Variants in DAB1 observed in about 807,000 individuals in gnomAD.
DAB1 encodes the protein DAB adaptor protein 1.
A neutral mutation model predicts 64.6 loss-of-function variants in DAB1; 15 were observed. That is an observed-to-expected ratio of 0.23 (90% CI 0.16 to 0.36). The LOEUF (loss-of-function observed/expected upper bound fraction) is 0.36. Among genes scored for constraint, DAB1 ranks in the 10% least tolerant of loss-of-function variants. DAB1 has a pLI of 1.00. For missense variants in DAB1, 596 were observed against 706.7 expected, an observed-to-expected ratio of 0.84 and a Z score of 1.78; for synonymous variants, 235 against 251.9, an observed-to-expected ratio of 0.93 and a Z score of 0.64.
intron 10 of DAB1, among the ~76,000 whole-genome samples, chr1:57,025,049 A>G (rs1025809280): frequency 1.2e-4 from 18 of 152,252 alleles, no homozygotes; most frequent in South Asian, 2.1e-4. Context: ...CATCTTGCCA[A>G]TGAACCATAG....
intron 6 of DAB1, among the ~76,000 whole-genome samples, chr1:57,662,619 C>T (rs1646400504): frequency 6.6e-6 from 1 of 152,144 alleles, no homozygotes; most frequent in Admixed American, 6.5e-5. Context: ...AGCATTAGGC[C>T]AGACCTGGGC....
chr1:57,010,738 C>G lies in DAB1; in HGVS notation c.1625G>C (p.Gly542Ala). The G allele has an allele frequency of 6.3e-7, 1 of 1,599,280 alleles. No homozygotes were observed. The highest frequency in any genetic ancestry group is 1.7e-5 in the Admixed American group (1 of 59,024). ...ACTTATATTATCACCACTGGGCTCCCCACTGGGCTCACCAAATGGATCACT... is the reference window on the plus strand; with the variant it reads ...ACTTATATTATCACCACTGGGCTCCGCACTGGGCTCACCAAATGGATCACT... ...SNSDPFGEPS[G>A]EPSGDNISPQ... Residue 542 changes from glycine (G) to alanine (A), a missense_variant, in exon 14 of 15, where the codon GGG becomes GCG. Around this residue, in one of 3 missense-constraint regions of DAB1, gnomAD observed 377 missense variants for 400.4 expected, o/e 0.94. Transcript: ENST00000371236.
At chr1:57,107,113 G>A (rs909343727) in intron 4 of DAB1, among the ~76,000 whole-genome samples, 6 of 152,048 alleles carry the variant, frequency 3.9e-5, no homozygotes, top group South Asian at 2.1e-4. Context: ...GGTGGCTCAC[G>A]CCTGTAATCC....
chr1:57,908,542 C>T (rs943575133), intron 5 of DAB1, among the ~76,000 whole-genome samples: 2 of 152,182 alleles, frequency 1.3e-5, no homozygotes, highest in African/African-American at 4.8e-5. Flanking sequence ...TGGCTTACTG[C>T]AGATCTGAGT....
intron 5 of DAB1, among the ~76,000 whole-genome samples, chr1:57,964,945 G>A (rs1434685879): frequency 1.3e-5 from 2 of 150,552 alleles, no homozygotes; most frequent in Non-Finnish European, 3.0e-5. Context: ...GAAATAGACA[G>A]TTCCTGGCAA....
intron 5 of DAB1, among the ~76,000 whole-genome samples, chr1:57,924,039 C>T (rs1032710860): frequency 6.6e-6 from 1 of 152,218 alleles, no homozygotes; most frequent in African/African-American, 2.4e-5. Context: ...AGGTGTTAGA[C>T]AAGGCTGAAT....
chr1:58,465,315 A>G (rs1645283925), intron 3 of DAB1, among the ~76,000 whole-genome samples: 1 of 152,140 alleles, frequency 6.6e-6, no homozygotes, highest in Non-Finnish European at 1.5e-5. Context: ...ATGACCCTAG[A>G]GAGTGGCTGA....
At chr1:57,452,406 T>G (rs920394985) in intron 7 of DAB1, among the ~76,000 whole-genome samples, 2 of 152,066 alleles carry the variant, frequency 1.3e-5, no homozygotes, top group Non-Finnish European at 2.9e-5. Flanking sequence ...CATTAATGGT[T>G]AAAAGCAGCA....
chr1:57,012,655 T>C (rs1301960330), intron 12 of DAB1, among the ~76,000 whole-genome samples: 1 of 152,232 alleles, frequency 6.6e-6, no homozygotes, highest in Non-Finnish European at 1.5e-5. Context: ...GGAAAAAAAT[T>C]TGCAATGAAA....
chr1:57,022,304 C>T lies in DAB1; in HGVS notation c.895+1227G>A, dbSNP rs181330501. Among the ~76,000 whole-genome samples, 691 of 152,326 alleles carry T rather than the reference C, an allele frequency of 4.5e-3. 9 individuals carry two copies. Among genetic ancestry groups the T allele is most frequent in the African/African-American group, 0.016 (655 of 41,576 alleles). On this transcript the variant is annotated intron_variant, in intron 11 of 14. Coordinates refer to ENST00000371236, the MANE Select transcript of DAB1 (RefSeq NM_001365792.1). ...GGTGGTGCATTTCTGATGGAAAACT[C>T]TTACTCTTATTTAAAATGGCATGTG...
intron 4 of DAB1, among the ~76,000 whole-genome samples, chr1:57,080,832 A>T (rs1652447365): frequency 6.6e-6 from 1 of 152,098 alleles, no homozygotes; most frequent in African/African-American, 2.4e-5. Flanking sequence ...TTCAACTAAA[A>T]TCTATGTCCT....
intron 4 of DAB1, among the ~76,000 whole-genome samples, chr1:58,308,855 G>A (rs933779604): frequency 3.9e-5 from 6 of 152,150 alleles, no homozygotes; most frequent in African/African-American, 1.4e-4. Flanking sequence ...TGAGACTCAG[G>A]CGCTCCCCAT....
intron 4 of DAB1, among the ~76,000 whole-genome samples, chr1:58,264,240 C>T (rs1661111580): frequency 6.6e-6 from 1 of 152,238 alleles, no homozygotes; most frequent in Admixed American, 6.5e-5. Flanking sequence ...TGCAACATAG[C>T]AAACATTTAT....
At chr1:58,007,096 T>C (rs1017892219) in intron 5 of DAB1, among the ~76,000 whole-genome samples, 1 of 152,190 alleles carries the variant, frequency 6.6e-6, no homozygotes, top group African/African-American at 2.4e-5. Flanking sequence ...TTAAGCTCTC[T>C]GCTGCCCACA....
chr1:57,611,513 G>T (rs1645726334), intron 7 of DAB1, among the ~76,000 whole-genome samples: 1 of 152,142 alleles, frequency 6.6e-6, no homozygotes. Flanking sequence ...TGCAACTGTG[G>T]CTTAGCCATC....
chr1:58,544,630 C>T (rs1430264485), intron 1 of DAB1, among the ~76,000 whole-genome samples: 1 of 152,148 alleles, frequency 6.6e-6, no homozygotes, highest in African/African-American at 2.4e-5. Context: ...CTCACTTTGT[C>T]GTTGTCCAGG....
intron 7 of DAB1, among the ~76,000 whole-genome samples, chr1:57,458,313 T>G (rs1468615337): frequency 6.6e-6 from 1 of 152,242 alleles, no homozygotes. Flanking sequence ...TTTAAATTTT[T>G]TTTATAATTA....
intron 4 of DAB1, among the ~76,000 whole-genome samples, chr1:58,171,713 G>A (rs1057494086): frequency 2.4e-4 from 37 of 152,176 alleles, no homozygotes; most frequent in African/African-American, 8.2e-4. Context: ...GTTTGGCCAG[G>A]CACTGGCCCA....
At chr1:57,933,959 G>A (rs533813452) in intron 5 of DAB1, among the ~76,000 whole-genome samples, 75 of 151,542 alleles carry the variant, frequency 4.9e-4, no homozygotes, top group African/African-American at 1.6e-3. Flanking sequence ...GCAGTGGCGC[G>A]ATCTTGGCTC....
Sources: gnomAD v4.1 joint callset for allele counts (sites outside exome capture counted in the v4.1 genomes callset) on GRCh38, gnomAD v4.1.1 for gene constraint, gnomAD v4.1.1 regional missense constraint, MANE v1.5 for transcripts, NCBI Gene and HGNC (gene_info 2026-07-23, HGNC 2026-07-21) for gene names.